ZNF681: variants seen among roughly 807,000 people sequenced by gnomAD.
The protein encoded by ZNF681 is zinc finger protein 681, also known as hypothetical protein FLJ31526.
Under a neutral mutation model 56.0 loss-of-function variants are expected in ZNF681, and 37 were observed. The observed-to-expected ratio is 0.66, with a 90% CI of 0.51 to 0.87. The LOEUF (loss-of-function observed/expected upper bound fraction) is 0.87. Ranked by LOEUF, ZNF681 falls within the 40% of genes least tolerant of loss-of-function variation. The pLI, the probability that ZNF681 is intolerant of heterozygous loss-of-function variation, is 0.00. For synonymous variants in ZNF681, 225 were observed against 248.6 expected, an observed-to-expected ratio of 0.91 and a Z score of 0.89; for missense variants, 741 against 744.9, an observed-to-expected ratio of 0.99 and a Z score of 0.06.
In ZNF681 at chr19:23,739,822, T is replaced by TA. The variant is rs1166250311; in HGVS notation, c.*3789dup. 3.3e-5 allele frequency: 5 copies of TA among 152,056 alleles called. No homozygotes were observed. The highest frequency in any genetic ancestry group is 7.4e-5 in the Non-Finnish European group (5 of 67,978). 9.4% of individuals were successfully genotyped at this position (152,056 alleles called of 1,614,324 possible). On this transcript the variant is annotated 3_prime_UTR_variant, in exon 4 of 4. Coordinates refer to ENST00000402377, the MANE Select transcript of ZNF681 (RefSeq NM_138286.3). The stretch of plus-strand genomic sequence containing the variant: ...AAACTGTAGACTGAACTTCACCCAC[T>TA]AAAAAAACATATAAAACTGAGAAAA...
Position 23,742,684 on chromosome 19 carries a change from G to T in ZNF681, c.*928C>A, listed in dbSNP as rs1968887188. 6.6e-6 allele frequency: 1 copy of T among 152,160 alleles called. No individual in the cohort carries two copies. The highest frequency in any genetic ancestry group is 1.9e-4 in the East Asian group (1 of 5,172). 9.4% of individuals were successfully genotyped at this position (152,160 alleles called of 1,614,324 possible). A position where few individuals can be genotyped will look rare whatever the true frequency, so the allele number is the denominator to read the frequency against. On this transcript the variant is annotated 3_prime_UTR_variant, in exon 4 of 4. Coordinates refer to ENST00000402377, the MANE Select transcript of ZNF681 (RefSeq NM_138286.3). ...GTCCTTAACTCTTTCACTAAAAAAG[G>T]TCGTAAATAATGCACACCTAATAAC...
At chr19:23,756,982 G>A (rs564194109) in intron 1 of ZNF681, among the ~76,000 whole-genome samples, 3 of 151,880 alleles carry the variant, frequency 2.0e-5, no homozygotes, top group South Asian at 4.2e-4. Flanking sequence ...GCAATTCTCC[G>A]ACCTCAGCCT....
rs1273979167 is a variant in ZNF681, at chr19:23,743,342, ATTT to A, written c.*267_*269del. On this transcript the variant is annotated 3_prime_UTR_variant, in exon 4 of 4. Transcript: ENST00000402377. ...TTTAGAGGCTTATATTTTCTGAAAG[ATTT>A]TTGACAGTAATTGCATGTATAATGC... 2 of 239,668 alleles carry A rather than the reference ATTT, an allele frequency of 8.3e-6. No homozygotes were observed. The highest frequency in any genetic ancestry group is 4.5e-5 in the African/African-American group (2 of 44,126). 14.8% of individuals were successfully genotyped at this position (239,668 alleles called of 1,614,324 possible). A position where few individuals can be genotyped will look rare whatever the true frequency, so the allele number is the denominator to read the frequency against.
chr19:23,752,458 C>T (rs1969046036), intron 3 of ZNF681, among the ~76,000 whole-genome samples: 1 of 152,134 alleles, frequency 6.6e-6, no homozygotes, highest in Admixed American at 6.6e-5. Context: ...CTGGAAAAAT[C>T]CTCTCTGATA....
At chr19:23,745,423 G>T in intron 3 of ZNF681, 100 bp from the exon 4 acceptor site, 6 of 972,862 alleles carry the variant, frequency 6.2e-6, no homozygotes, top group Admixed American at 3.9e-5. Context: ...TAAGCAAGAT[G>T]GTATAGCAAA....
rs563740888 is a variant in ZNF681, at chr19:23,743,854, C to T, written c.1696G>A (p.Glu566Lys). Reference protein sequence around the residue: ...HTGEKPYQCEECGKAFNQSSH... With the variant: ...HTGEKPYQCEKCGKAFNQSSH... ...GACTGGTTAAAGGCTTTACCACATT[C>T]TTCACATTGGTAGGGTTTCTCTCCA... The change falls in exon 4 of 4, where the codon GAA becomes AAA. Residue 566 changes from glutamate to lysine, a missense_variant. Physicochemically the swap from Glu to Lys is moderately conservative, Grantham distance 56 (BLOSUM62 1). Transcript: ENST00000402377. 3 of 1,612,064 alleles carry T rather than the reference C, an allele frequency of 1.9e-6. No individual in the cohort carries two copies. The highest frequency in any genetic ancestry group is 4.5e-5 in the East Asian group (2 of 44,716).
chr19:23,757,666 A>C (rs967664154), intron 1 of ZNF681, among the ~76,000 whole-genome samples: 4 of 152,154 alleles, frequency 2.6e-5, no homozygotes, highest in African/African-American at 9.7e-5. Flanking sequence ...AGCAGAATTC[A>C]CCAGCCAAAA....
chr19:23,748,201 A>G (rs1248615615), intron 3 of ZNF681, among the ~76,000 whole-genome samples: 6 of 152,206 alleles, frequency 3.9e-5, no homozygotes, highest in Non-Finnish European at 5.9e-5. Context: ...CTTGTAGAAA[A>G]TAAGTAAAAA....
chr19:23,753,799 T>C (rs990689158), intron 3 of ZNF681, among the ~76,000 whole-genome samples: 1 of 146,696 alleles, frequency 6.8e-6, no homozygotes, highest in Non-Finnish European at 1.5e-5. Context: ...AAGGGAGAGG[T>C]TGCAGTGAGC....
rs755668934 is a variant in ZNF681 at position 23,739,907 on chromosome 19, AG to A, written c.*3704del. The A allele has an allele frequency of 2.0e-5, 3 of 152,300 alleles. No homozygotes were observed. Among genetic ancestry groups the A allele is most frequent in the Admixed American group, 2.0e-4 (3 of 15,292 alleles). The allele number at this position is 152,300 out of a possible 1,614,324, so 9.4% of individuals were successfully genotyped here. The stretch of plus-strand genomic sequence containing the variant: ...ATATTACTCCAGGTTTCAAAATCAC[AG>A]AGGTCATTTTACTATTTTGCAATGT... On this transcript the variant is annotated 3_prime_UTR_variant, in exon 4 of 4. Transcript: ENST00000402377.
At chr19:23,753,591 G>T (rs991003329) in intron 3 of ZNF681, among the ~76,000 whole-genome samples, 2 of 152,222 alleles carry the variant, frequency 1.3e-5, no homozygotes, top group African/African-American at 4.8e-5. Flanking sequence ...GGCCAGGCAC[G>T]GTGGCTCACA....
In ZNF681 at chr19:23,744,139, T is replaced by A; in HGVS notation, c.1411A>T (p.Ile471Phe). ...TTGTAGGGTTTCTCTCCAGTATGAA[T>A]TCTTTTATGTGTAGTAAGGTTTGAG... ...QFSNLTTHKR[I>F]HTGEKPYKCE... is the part of the protein sequence containing the mutation. The change falls in exon 4 of 4, where the codon ATT becomes TTT. Residue 471 changes from isoleucine (I) to phenylalanine (F), a missense_variant. Physicochemically the swap from Ile to Phe is conservative, Grantham distance 21. Transcript: ENST00000402377. 6.2e-7 allele frequency: 1 copy of A among 1,613,074 alleles called. No homozygotes were observed.
Position 23,754,864 on chromosome 19 carries a change from G to A in ZNF681, c.185C>T (p.Pro62Leu). 1 of 1,614,034 alleles carries A rather than the reference G, an allele frequency of 6.2e-7. No homozygotes were observed. Residue 62 changes from proline (P) to leucine (L), a missense_variant, in exon 3 of 4, where the codon CCT becomes CTT. Physicochemically the swap from Pro to Leu is moderately conservative, Grantham distance 98. Transcript: ENST00000402377. ...CATCCTATGTCTCTTTCTAGTCCAAGGCTCTTTTTCTTGTTCCAGACAGGT... is the reference window on the plus strand; with the variant it reads ...CATCCTATGTCTCTTTCTAGTCCAAAGCTCTTTTTCTTGTTCCAGACAGGT... Reference protein sequence around the residue: ...LITCLEQEKEPWTRKRHRMVA... With the variant: ...LITCLEQEKELWTRKRHRMVA...
chr19:23,749,705 C>T (rs1968996135), intron 3 of ZNF681, among the ~76,000 whole-genome samples: 1 of 151,988 alleles, frequency 6.6e-6, no homozygotes, highest in Non-Finnish European at 1.5e-5. Context: ...GCCTTAAGAT[C>T]CTCAAATTCT....
In ZNF681 at chr19:23,755,477, C is replaced by G. The variant is rs1894924193; in HGVS notation, c.78G>C (p.Gln26His). ...EEWQCLDTIQ[Q>H]NLYRNVMLEN... Reference sequence around the variant, plus strand: ...CTAACATCACATTCCTATATAAATTCTGCTGTATAGTGTCCAGGCATTGCC... The same window carrying G: ...CTAACATCACATTCCTATATAAATTGTGCTGTATAGTGTCCAGGCATTGCC... Residue 26 changes from glutamine to histidine, a missense_variant, in exon 2 of 4, where the codon CAG (glutamine) becomes CAC (histidine). By Grantham distance (24) the Gln-to-His change is conservative. Coordinates refer to ENST00000402377, the MANE Select transcript of ZNF681 (RefSeq NM_138286.3). 6.2e-7 allele frequency: 1 copy of G among 1,609,522 alleles called. No homozygotes were observed.
In ZNF681 at chr19:23,743,850, C is replaced by T; in HGVS notation, c.1700G>A (p.Cys567Tyr). The stretch of plus-strand genomic sequence containing the variant: ...TGAGGACTGGTTAAAGGCTTTACCA[C>T]ATTCTTCACATTGGTAGGGTTTCTC... ...TGEKPYQCEE[C>Y]GKAFNQSSHL... The change falls in exon 4 of 4, where the codon TGT becomes TAT. Residue 567 changes from cysteine (C) to tyrosine (Y), a missense_variant. Coordinates refer to ENST00000402377, the MANE Select transcript of ZNF681 (RefSeq NM_138286.3). 1 of 1,613,034 alleles carries T rather than the reference C, an allele frequency of 6.2e-7. No individual in the cohort carries two copies. Among genetic ancestry groups the T allele is most frequent in the Non-Finnish European group, 8.5e-7 (1 of 1,179,706 alleles).
chr19:23,757,439 C>T (rs541477119), intron 1 of ZNF681, among the ~76,000 whole-genome samples: 6 of 151,486 alleles, frequency 4.0e-5, no homozygotes, highest in South Asian at 2.1e-4. Context: ...GAGAGGAATG[C>T]GGAAAGAATT....
At chr19:23,747,178 T>C (rs536750914) in intron 3 of ZNF681, among the ~76,000 whole-genome samples, 2 of 152,256 alleles carry the variant, frequency 1.3e-5, no homozygotes, top group Admixed American at 6.5e-5. Context: ...TGACTAAGAC[T>C]GAATGAAACT....
In ZNF681 at chr19:23,756,321, T is replaced by TCCC. The variant is rs56016834; in HGVS notation, c.4-773_4-771dup. Among the ~76,000 whole-genome samples, 575 of 148,310 alleles carry TCCC rather than the reference T, an allele frequency of 3.9e-3. 11 individuals carry two copies. The highest frequency in any genetic ancestry group is 0.034 in the Admixed American group (506 of 14,754). ...GCCTGGGCGACAGAGCGACACTCTG[T>TCCC]CCCCCCCCAAAAAAAGACACATATG... On this transcript the variant is annotated intron_variant, in intron 1 of 3. Transcript: ENST00000402377.
Sources: gnomAD v4.1 joint callset for allele counts (sites outside exome capture counted in the v4.1 genomes callset) on GRCh38, gnomAD v4.1.1 for gene constraint, MANE v1.5 for transcripts, NCBI Gene and HGNC (gene_info 2026-07-23, HGNC 2026-07-21) for gene names.